UTP20: variants seen among roughly 807,000 people sequenced by gnomAD.
The protein encoded by UTP20 is UTP20 small subunit processome component.
A neutral mutation model predicts 329.5 loss-of-function variants in UTP20; 164 were observed. The ratio of observed to expected loss-of-function variants is 0.50; its 90% CI spans 0.44 to 0.57. The LOEUF is 0.57. Among genes scored for constraint, UTP20 ranks in the 20% least tolerant of loss-of-function variants. The probability of loss-of-function intolerance (pLI) is 0.00; values close to 1 mark genes in which losing one functional copy is unlikely to be tolerated. For synonymous variants in UTP20, 1,151 were observed against 1,159.3 expected, an observed-to-expected ratio of 0.99 and a Z score of 0.14; for missense variants, 3,055 against 3,284.2, an observed-to-expected ratio of 0.93 and a Z score of 1.71.
chr12:101,371,445 C>T (rs932888123), intron 51 of UTP20, among the ~76,000 whole-genome samples: 9 of 148,356 alleles, frequency 6.1e-5, no homozygotes, highest in Non-Finnish European at 1.0e-4. Flanking sequence ...AGGAGCTCAA[C>T]ACAGGTAAGT....
intron 5 of UTP20, among the ~76,000 whole-genome samples, chr12:101,286,713 C>A (rs558009396): frequency 2.0e-5 from 3 of 151,856 alleles, no homozygotes; most frequent in South Asian, 4.2e-4. Flanking sequence ...GGAAGTATAC[C>A]CACCCAAGAA....
intron 5 of UTP20, 70 bp downstream of exon 5, chr12:101,286,579 C>G: frequency 7.6e-7 from 1 of 1,314,232 alleles, no homozygotes; most frequent in Non-Finnish European, 1.0e-6. Context: ...TTTATGACTC[C>G]AAACCACTTT....
intron 28 of UTP20, among the ~76,000 whole-genome samples, chr12:101,334,175 A>G (rs1419748283): frequency 6.6e-6 from 1 of 152,196 alleles, no homozygotes; most frequent in African/African-American, 2.4e-5. Flanking sequence ...GTCATTTCCA[A>G]CACTCTGAAA....
rs1870151552 is a variant in UTP20, at chr12:101,367,958, G to C, written c.6366G>C (p.Leu2122=). ...DPFVSLLIDC[L]GSMDVKVITG... ...TTGTGTCTCTCCTCATAGACTGCCTGGGCTCCATGGATGTGAAGGTAAGCA... is the reference window on the plus strand; with the variant it reads ...TTGTGTCTCTCCTCATAGACTGCCTCGGCTCCATGGATGTGAAGGTAAGCA... Residue 2122 remains leucine, a synonymous_variant, in exon 48 of 62, where the codon CTG becomes CTC. Transcript: ENST00000261637. 6.2e-7 allele frequency: 1 copy of C among 1,612,372 alleles called. No homozygotes were observed. Among genetic ancestry groups the C allele is most frequent in the African/African-American group, 1.3e-5 (1 of 74,842 alleles).
chr12:101,286,642 G>A (rs1202448585), intron 5 of UTP20, 133 bp downstream of exon 5: 2 of 688,328 alleles, frequency 2.9e-6, no homozygotes, highest in African/African-American at 1.8e-5. Context: ...TCCAGCCAAA[G>A]TGGTCCACAA....
chr12:101,339,712 C>G (rs1405499200), intron 31 of UTP20, among the ~76,000 whole-genome samples: 4 of 152,062 alleles, frequency 2.6e-5, no homozygotes, highest in Admixed American at 2.6e-4. Flanking sequence ...GGCAGTAGAC[C>G]TAGGAGTGTA....
chr12:101,360,218 T>A (rs1869865457), intron 43 of UTP20, among the ~76,000 whole-genome samples: 1 of 152,200 alleles, frequency 6.6e-6, no homozygotes, highest in African/African-American at 2.4e-5. Context: ...CTCGTCATCC[T>A]CACCTCCACC....
chr12:101,291,738 G>T lies in UTP20; in HGVS notation c.892-4G>T, dbSNP rs1872161699. On this transcript the variant is annotated splice_polypyrimidine_tract_variant and splice_region_variant and intron_variant, in intron 8 of 61. Coordinates refer to ENST00000261637, the MANE Select transcript of UTP20 (RefSeq NM_014503.3). ...ATTCTCTCTGTTAAATTCTTTGTTT[G>T]CAGGAATCGCTCTTGGATCTACACA... The T allele has an allele frequency of 6.6e-6, 10 of 1,504,014 alleles. No individual in the cohort carries two copies. The highest frequency in any genetic ancestry group is 8.0e-6 in the Non-Finnish European group (9 of 1,129,192). 93.2% of individuals were successfully genotyped at this position (1,504,014 alleles called of 1,614,324 possible).
At chr12:101,353,164 A>C (rs779165363) in intron 40 of UTP20, 35 bp downstream of exon 40, 22 of 1,447,834 alleles carry the variant, frequency 1.5e-5, no homozygotes, top group Non-Finnish European at 1.9e-5. Context: ...CAAGATTTTC[A>C]TCTTATTCTT....
chr12:101,300,819 G>C (rs1266051450), intron 14 of UTP20, among the ~76,000 whole-genome samples: 1 of 152,188 alleles, frequency 6.6e-6, no homozygotes, highest in African/African-American at 2.4e-5. Flanking sequence ...CTCGCCGCAT[G>C]TCAAGTGCTC....
In UTP20 at chr12:101,321,602, G is replaced by C; in HGVS notation, c.3014G>C (p.Arg1005Pro). 6.2e-7 allele frequency: 1 copy of C among 1,613,454 alleles called. No individual in the cohort carries two copies. The highest frequency in any genetic ancestry group is 1.1e-5 in the South Asian group (1 of 91,042). Residue 1005 changes from arginine (R) to proline (P), a missense_variant, in exon 25 of 62, where the codon CGA becomes CCA. Arg to Pro is a moderately radical substitution (Grantham distance 103). This residue lies in a region of UTP20 where 2,445 missense variants were observed against 2,575.5 expected (regional missense o/e 0.95). Transcript: ENST00000261637. ...EDNAVVKTAH[R>P]ADLFPILMRI... is the part of the protein sequence containing the mutation. The stretch of plus-strand genomic sequence containing the variant: ...AATGCTGTAGTGAAAACAGCCCACC[G>C]AGCAGATCTATTTCCTATTCTGATG...
At chr12:101,322,928 A>T (rs937798569) in intron 25 of UTP20, among the ~76,000 whole-genome samples, 3 of 152,226 alleles carry the variant, frequency 2.0e-5, no homozygotes, top group African/African-American at 7.2e-5. Context: ...TATCAACTTT[A>T]TAATCTCAAA....
In UTP20 at chr12:101,299,976, T is replaced by C. The variant is rs1872473577; in HGVS notation, c.1590T>C (p.Pro530=). 1 of 1,614,126 alleles carries C rather than the reference T, an allele frequency of 6.2e-7. No homozygotes were observed. The highest frequency in any genetic ancestry group is 8.5e-7 in the Non-Finnish European group (1 of 1,179,988). The change falls in exon 14 of 62, where the codon CCT becomes CCC. Residue 530 remains proline (P), a synonymous_variant. Coordinates refer to ENST00000261637, the MANE Select transcript of UTP20 (RefSeq NM_014503.3). ...CCTTTTTCTCCCCCTTGGACAGACCTCTTGAGAAAGAGAAGGTGATACCAC... is the reference window on the plus strand; with the variant it reads ...CCTTTTTCTCCCCCTTGGACAGACCCCTTGAGAAAGAGAAGGTGATACCAC... ...AALVVLPHIR[P]LEKEKVIPLV...
At chr12:101,325,558 A>G (rs1868526473) in intron 25 of UTP20, among the ~76,000 whole-genome samples, 1 of 152,216 alleles carries the variant, frequency 6.6e-6, no homozygotes, top group Admixed American at 6.5e-5. Flanking sequence ...TAACAAACAA[A>G]CACACTTGAT....
At chr12:101,342,305 T>G (rs1245450055) in intron 32 of UTP20, 141 bp from the exon 33 acceptor site, 1 of 680,396 alleles carries the variant, frequency 1.5e-6, no homozygotes, top group South Asian at 4.0e-5. Flanking sequence ...TAAAAACTTT[T>G]AAAAGACGAT....
At chr12:101,354,252 ACT>A (rs1368392948) in intron 40 of UTP20, among the ~76,000 whole-genome samples, 3 of 128,690 alleles carry the variant, frequency 2.3e-5, no homozygotes, top group South Asian at 5.0e-4. Flanking sequence ...ACACGGCAAG[ACT>A]CTGTCTCAAA....
chr12:101,350,077 A>G (rs921289524), intron 38 of UTP20, among the ~76,000 whole-genome samples: 2 of 152,036 alleles, frequency 1.3e-5, no homozygotes, highest in Admixed American at 1.3e-4. Context: ...TCTCCTTAAC[A>G]TGCTCATATT....
rs1014340936 is a variant in UTP20 at position 101,354,949 on chromosome 12, C to A, written c.5225C>A (p.Pro1742His). Residue 1742 changes from proline to histidine, a missense_variant, in exon 41 of 62, where the codon CCT (proline) becomes CAT (histidine). By Grantham distance (77) the Pro-to-His change is moderately conservative (BLOSUM62 -2). Coordinates refer to ENST00000261637, the MANE Select transcript of UTP20 (RefSeq NM_014503.3). ...SLSDNGQPGT[P>H]DPADSGGTSA... ...TCAGACAACGGACAACCGGGAACCCCTGATCCAGCTGACTCTGGAGGAACA... is the reference window on the plus strand; with the variant it reads ...TCAGACAACGGACAACCGGGAACCCATGATCCAGCTGACTCTGGAGGAACA... The A allele has an allele frequency of 1.2e-6, 2 of 1,614,146 alleles. No individual in the cohort carries two copies. Among genetic ancestry groups the A allele is most frequent in the Middle Eastern group, 1.6e-4 (1 of 6,062 alleles).
At position 101,295,607 on chromosome 12, in the gene UTP20, G is replaced by T. The variant is rs762062106; in HGVS notation, c.1379G>T (p.Gly460Val). Residue 460 changes from glycine (G) to valine (V), a missense_variant, in exon 12 of 62, where the codon GGC (glycine) becomes GTC (valine). Around this residue, in one of 3 missense-constraint regions of UTP20, gnomAD observed 2,445 missense variants for 2,575.5 expected, o/e 0.95. Coordinates refer to ENST00000261637, the MANE Select transcript of UTP20 (RefSeq NM_014503.3). ...ILNKAAPPTA[G>V]SMAIEKYPLV... ...AACAAAGCAGCACCTCCCACTGCTG[G>T]CTCGATGGCAATTGAAAAGTACCCT... 1.2e-6 allele frequency: 2 copies of T among 1,612,752 alleles called. No homozygotes were observed. Among genetic ancestry groups the T allele is most frequent in the Non-Finnish European group, 1.7e-6 (2 of 1,179,182 alleles).
Sources: allele counts gnomAD v4.1 joint callset (sites outside exome capture counted in the v4.1 genomes callset), GRCh38; gene constraint gnomAD v4.1.1; regional missense constraint gnomAD v4.1.1; transcripts MANE v1.5; gene names NCBI Gene and HGNC (gene_info 2026-07-23, HGNC 2026-07-21).